Variants in TGFA observed in about 807,000 individuals in gnomAD.
TGFA encodes protransforming growth factor alpha.
In TGFA, 12 loss-of-function variants were observed where a neutral mutation model predicts 21.7. That is an observed-to-expected ratio of 0.55 (90% confidence interval 0.35 to 0.90). The LOEUF is 0.90. Among genes scored for constraint, TGFA ranks in the 40% least tolerant of loss-of-function variants. The probability of loss-of-function intolerance (pLI) is 0.01; values close to 1 mark genes in which losing one functional copy is unlikely to be tolerated. For synonymous variants in TGFA, 79 were observed against 88.1 expected, an observed-to-expected ratio of 0.90 and a Z score of 0.58; for missense variants, 178 against 210.8, an observed-to-expected ratio of 0.84 and a Z score of 0.96.
chr2:70,482,422 G>T (rs553480571), intron 2 of TGFA, among the ~76,000 whole-genome samples: 4 of 152,282 alleles, frequency 2.6e-5, no homozygotes, highest in Non-Finnish European at 5.9e-5. Context: ...AAAGCTCTAG[G>T]TTACAGGAAC....
At chr2:70,527,460 G>A (rs537787502) in intron 1 of TGFA, among the ~76,000 whole-genome samples, 14 of 152,288 alleles carry the variant, frequency 9.2e-5, no homozygotes, top group South Asian at 2.1e-4. Flanking sequence ...GGGATGAACA[G>A]GTGTAGCACA....
chr2:70,484,797 C>G (rs1671223277), intron 2 of TGFA, among the ~76,000 whole-genome samples: 1 of 152,208 alleles, frequency 6.6e-6, no homozygotes, highest in East Asian at 1.9e-4. Context: ...GATTCTCCAG[C>G]TTTCCCACAG....
chr2:70,492,493 C>T (rs540090852), intron 2 of TGFA, among the ~76,000 whole-genome samples: 1 of 152,322 alleles, frequency 6.6e-6, no homozygotes, highest in East Asian at 1.9e-4. Flanking sequence ...TTTCCCATTT[C>T]ATAGACAAGG....
intron 5 of TGFA, among the ~76,000 whole-genome samples, chr2:70,452,039 T>C (rs1282943668): frequency 6.6e-6 from 1 of 152,206 alleles, no homozygotes; most frequent in Non-Finnish European, 1.5e-5. Context: ...ACATATGTTC[T>C]TGGGGCTTCA....
intron 2 of TGFA, among the ~76,000 whole-genome samples, chr2:70,473,469 G>C (rs139055006): frequency 1.2e-4 from 18 of 151,674 alleles, no homozygotes; most frequent in Non-Finnish European, 1.6e-4. Flanking sequence ...CAATGCTACT[G>C]ACCTTTGCAG....
intron 2 of TGFA, among the ~76,000 whole-genome samples, chr2:70,508,263 G>A (rs950558829): frequency 5.9e-5 from 9 of 152,152 alleles, no homozygotes; most frequent in African/African-American, 1.9e-4. Flanking sequence ...TGGCCTACAC[G>A]GCGAAACCCT....
intron 2 of TGFA, among the ~76,000 whole-genome samples, chr2:70,473,151 G>T (rs1305043259): frequency 6.6e-6 from 1 of 152,172 alleles, no homozygotes; most frequent in Non-Finnish European, 1.5e-5. Flanking sequence ...GCTCTGGGAT[G>T]GGAGGCTGGC....
chr2:70,521,287 C>T (rs1379701880), intron 1 of TGFA, among the ~76,000 whole-genome samples: 1 of 152,134 alleles, frequency 6.6e-6, no homozygotes, highest in East Asian at 1.9e-4. Context: ...CTAAACTCCA[C>T]CCATTCCCTC....
chr2:70,451,543 C>A (rs1670059456), intron 5 of TGFA, among the ~76,000 whole-genome samples: 1 of 152,062 alleles, frequency 6.6e-6, no homozygotes, highest in African/African-American at 2.4e-5. Flanking sequence ...AAGGCCAGAC[C>A]CATCCCCAGG....
At chr2:70,536,635 A>G (rs1672975759) in intron 1 of TGFA, among the ~76,000 whole-genome samples, 2 of 152,262 alleles carry the variant, frequency 1.3e-5, no homozygotes. Flanking sequence ...GCAGTTAAAA[A>G]TATTTTGAAC....
intron 2 of TGFA, 112 bp downstream of exon 2, chr2:70,514,747 G>A: frequency 2.6e-6 from 3 of 1,145,262 alleles, no homozygotes; most frequent in Non-Finnish European, 3.8e-6. Context: ...CTCCGGGACA[G>A]GCGTGTGCTC....
At chr2:70,500,637 A>G (rs536754559) in intron 2 of TGFA, among the ~76,000 whole-genome samples, 171 of 152,284 alleles carry the variant, frequency 1.1e-3, no homozygotes, top group Admixed American at 1.8e-3. Flanking sequence ...AGGGAGGAAG[A>G]ACTGCTCAAC....
chr2:70,475,736 C>CA lies in TGFA; in HGVS notation c.95-10001dup, dbSNP rs1377713589. On this transcript the variant is annotated intron_variant, in intron 2 of 5. Transcript: ENST00000295400. ...AATTAAAATAAAACCTCAGTGGAAT[C>CA]ATGTTAAGTGCAGGCTAAAACCAGA... Among the ~76,000 whole-genome samples the CA allele has an allele frequency of 2.0e-5, 3 of 152,120 alleles. No homozygotes were observed. The East Asian group carries it at 5.8e-4, about 29-fold the overall frequency.
intron 1 of TGFA, among the ~76,000 whole-genome samples, chr2:70,517,962 G>A (rs1432048550): frequency 1.3e-5 from 2 of 152,274 alleles, no homozygotes; most frequent in Admixed American, 6.5e-5. Context: ...CCACACGACT[G>A]TGCTTAGAAA....
chr2:70,511,943 C>T (rs985316313), intron 2 of TGFA, among the ~76,000 whole-genome samples: 20 of 145,566 alleles, frequency 1.4e-4, no homozygotes, highest in Non-Finnish European at 3.0e-4. Context: ...GCTACAATGA[C>T]GGGCAGTGAG....
At chr2:70,467,029 C>T (rs78154838) in intron 2 of TGFA, among the ~76,000 whole-genome samples, 1 of 151,542 alleles carries the variant, frequency 6.6e-6, no homozygotes, top group African/African-American at 2.4e-5. Flanking sequence ...TGTTCTCCCC[C>T]CATACCCTTT....
chr2:70,472,420 C>T (rs571381593), intron 2 of TGFA, among the ~76,000 whole-genome samples: 13 of 152,330 alleles, frequency 8.5e-5, no homozygotes, highest in East Asian at 5.8e-4. Flanking sequence ...GTTAACCAAA[C>T]GCACATCTTG....
chr2:70,544,187 G>A (rs1673221664), intron 1 of TGFA, among the ~76,000 whole-genome samples: 1 of 151,962 alleles, frequency 6.6e-6, no homozygotes, highest in African/African-American at 2.4e-5. Flanking sequence ...AGTGTTAAAT[G>A]CGCAAACATT....
intron 3 of TGFA, among the ~76,000 whole-genome samples, chr2:70,457,610 C>T (rs1424010821): frequency 1.3e-5 from 2 of 150,500 alleles, no homozygotes; most frequent in Admixed American, 6.6e-5. Context: ...GGCGGGATCT[C>T]GGCTCACTGC....
Sources: gnomAD v4.1 joint callset for allele counts (sites outside exome capture counted in the v4.1 genomes callset) on GRCh38, gnomAD v4.1.1 for gene constraint, MANE v1.5 for transcripts, NCBI Gene and HGNC (gene_info 2026-07-23, HGNC 2026-07-21) for gene names.